NBAS: variants seen among roughly 807,000 people sequenced by gnomAD.
NBAS encodes the protein NAG/BC035112 fusion.
A neutral mutation model predicts 302.5 loss-of-function variants in NBAS; 219 were observed. That is an observed-to-expected ratio of 0.72 (90% confidence interval 0.65 to 0.81). The LOEUF (loss-of-function observed/expected upper bound fraction) is 0.81. Among genes scored for constraint, NBAS ranks in the 30% least tolerant of loss-of-function variants. The pLI is 0.00. For synonymous variants in NBAS, 1,118 were observed against 1,021.6 expected (o/e 1.09, Z -1.80); for missense variants, 2,932 against 2,841.6 (o/e 1.03, Z -0.72).
chr2:15,411,660 A>G (rs1676691967), intron 25 of NBAS, among the ~76,000 whole-genome samples: 1 of 152,230 alleles, frequency 6.6e-6, no homozygotes, highest in South Asian at 2.1e-4. Context: ...TAACAAAGCT[A>G]TGATACCTAG....
At chr2:14,930,749 C>G in the NBAS span, among the ~76,000 whole-genome samples, 1 of 152,178 alleles carries the variant, frequency 6.6e-6, no homozygotes. Context: ...CAAACAGACT[C>G]TAAAGGACAA....
At chr2:14,837,890 T>C in the NBAS span, among the ~76,000 whole-genome samples, 3 of 151,924 alleles carry the variant, frequency 2.0e-5, no homozygotes, top group Non-Finnish European at 4.4e-5. Context: ...CTTTAGTATT[T>C]ACGCTAGTCT....
Position 15,474,260 on chromosome 2 carries a change from C to T in NBAS, c.1406G>A (p.Gly469Glu). 6.2e-7 allele frequency: 1 copy of T among 1,613,856 alleles called. No homozygotes were observed. The highest frequency in any genetic ancestry group is 8.5e-7 in the Non-Finnish European group (1 of 1,179,802). ...LETRAGEEDEGEEDSDSDYEI... is the reference protein window; with the variant it reads ...LETRAGEEDEEEEDSDSDYEI... ...ATAATCAGAATCAGAATCCTCTTCT[C>T]CTTCATCTTCTTCTCCAGCTCTAGT... The change falls in exon 15 of 52, where the codon GGA becomes GAA. Residue 469 changes from glycine to glutamate, a missense_variant. Transcript: ENST00000281513.
intron 44 of NBAS, among the ~76,000 whole-genome samples, chr2:15,266,859 C>T (rs1669100423): frequency 6.6e-6 from 1 of 152,130 alleles, no homozygotes; most frequent in Non-Finnish European, 1.5e-5. Context: ...CTCTCTAATA[C>T]ACTCTAAATT....
chr2:15,480,259 T>C (rs113942186), intron 12 of NBAS, among the ~76,000 whole-genome samples: 4 of 152,058 alleles, frequency 2.6e-5, no homozygotes, highest in African/African-American at 9.6e-5. Context: ...GAGGATCAAC[T>C]GAGCTCAGGA....
At chr2:15,554,199 C>A in intron 3 of NBAS, 61 bp from the exon 4 acceptor site, 1 of 1,261,026 alleles carries the variant, frequency 7.9e-7, no homozygotes. Context: ...TATATGCAGA[C>A]AAATAGCACA....
chr2:15,098,081 T>A, the NBAS span, among the ~76,000 whole-genome samples: 57 of 24,954 alleles, frequency 2.3e-3, 10 homozygotes, highest in East Asian at 6.3e-3. Context: ...ATTGTATATA[T>A]TATATTGTAT....
At chr2:15,013,141 A>G in the NBAS span, among the ~76,000 whole-genome samples, 2 of 152,176 alleles carry the variant, frequency 1.3e-5, no homozygotes, top group African/African-American at 4.8e-5. Context: ...TTATAGGCAG[A>G]GCCACCACGC....
At chr2:15,148,647 G>A in the NBAS span, among the ~76,000 whole-genome samples, 4 of 152,120 alleles carry the variant, frequency 2.6e-5, no homozygotes, top group Non-Finnish European at 5.9e-5. Context: ...GAAATGTTAT[G>A]TGTAAACAAT....
Position 15,471,811 on chromosome 2 carries a change from CA to C in NBAS, c.1725+1410del, listed in dbSNP as rs1679969032. On this transcript the variant is annotated intron_variant, in intron 16 of 51. Transcript: ENST00000281513. ...CTCTCTGCTGTCTGCCATATAAGGA[CA>C]CAGCAAGAAAGAAATCCATCTGCAA... is the stretch of plus-strand genomic sequence containing the variant. Among the ~76,000 whole-genome samples the C allele has an allele frequency of 2.0e-5, 3 of 152,230 alleles. No individual in the cohort carries two copies. The East Asian group carries it at 5.8e-4, about 29-fold the overall frequency.
At chr2:14,833,321 T>G in the NBAS span, among the ~76,000 whole-genome samples, 6 of 151,976 alleles carry the variant, frequency 3.9e-5, no homozygotes, top group South Asian at 2.1e-4. Context: ...GGTTGGGGGG[T>G]TCCAAGTTAC....
chr2:14,995,894 C>G, the NBAS span, among the ~76,000 whole-genome samples: 2 of 152,092 alleles, frequency 1.3e-5, no homozygotes, highest in African/African-American at 4.8e-5. Context: ...TCTTCTAATG[C>G]CCAGCCTGGC....
At chr2:15,519,702 C>A (rs1158910887) in intron 9 of NBAS, among the ~76,000 whole-genome samples, 1 of 152,158 alleles carries the variant, frequency 6.6e-6, no homozygotes, top group East Asian at 1.9e-4. Flanking sequence ...GCCTTGGCCT[C>A]CCAAAGTGCT....
chr2:15,488,219 A>G (rs1680715117), intron 12 of NBAS, among the ~76,000 whole-genome samples: 1 of 152,246 alleles, frequency 6.6e-6, no homozygotes, highest in African/African-American at 2.4e-5. Context: ...TAAGTGAATC[A>G]GAGTAAAAGA....
chr2:15,324,126 C>A (rs986318910), intron 38 of NBAS, among the ~76,000 whole-genome samples: 14 of 152,098 alleles, frequency 9.2e-5, no homozygotes, highest in African/African-American at 3.4e-4. Flanking sequence ...ATCAGGGTGC[C>A]ATCGGAGAGC....
chr2:15,263,706 A>G (rs1465500174), intron 44 of NBAS, among the ~76,000 whole-genome samples: 1 of 152,070 alleles, frequency 6.6e-6, no homozygotes, highest in African/African-American at 2.4e-5. Context: ...TTAAAGACTC[A>G]GCTCAAATAC....
chr2:15,252,149 A>G (rs1236829534), intron 44 of NBAS, among the ~76,000 whole-genome samples: 6 of 152,242 alleles, frequency 3.9e-5, no homozygotes, highest in Non-Finnish European at 1.5e-5. Context: ...GACCTACATC[A>G]TCTGCACCTA....
At chr2:15,400,678 A>G (rs2148426112) in intron 26 of NBAS, among the ~76,000 whole-genome samples, 1 of 152,316 alleles carries the variant, frequency 6.6e-6, no homozygotes, top group Admixed American at 6.5e-5. Flanking sequence ...GATATTACTA[A>G]TACCAGTCTT....
At chr2:15,469,740 G>GA (rs1203632733) in intron 16 of NBAS, among the ~76,000 whole-genome samples, 1 of 148,158 alleles carries the variant, frequency 6.7e-6, no homozygotes, top group East Asian at 2.0e-4. Context: ...CACAAGGACA[G>GA]AAAACCAAAC....
Sources: gnomAD v4.1 joint callset for allele counts (sites outside exome capture counted in the v4.1 genomes callset) on GRCh38, gnomAD v4.1.1 for gene constraint, MANE v1.5 for transcripts, NCBI Gene and HGNC (gene_info 2026-07-23, HGNC 2026-07-21) for gene names.